The following PREP variants were observed in gnomAD, a reference collection of about 807,000 sequenced individuals.
PREP encodes the protein dJ355L5.1 (prolyl endopeptidase).
Under a neutral mutation model 87.6 loss-of-function variants are expected in PREP, and 29 were observed. That is an observed-to-expected ratio of 0.33 (90% CI 0.25 to 0.45). The LOEUF (loss-of-function observed/expected upper bound fraction) is 0.45, where lower values mean the gene tolerates loss of function less well. Ranked by LOEUF, PREP falls within the 20% of genes least tolerant of loss-of-function variation. The probability of loss-of-function intolerance (pLI) is 1.00; values close to 1 mark genes in which losing one functional copy is unlikely to be tolerated. For missense variants in PREP, 695 were observed against 886.5 expected, an observed-to-expected ratio of 0.78 and a Z score of 2.74; for synonymous variants, 337 against 328.6, an observed-to-expected ratio of 1.03 and a Z score of -0.28.
intron 10 of PREP, chr6:105,298,023 A>G (rs1770447559): frequency 6.6e-6 from 1 of 152,262 alleles, no homozygotes. Context: ...AGTTCTAAGC[A>G]TTAGTGAGCC....
chr6:105,282,516 T>C lies in PREP; in HGVS notation c.1616A>G (p.Lys539Arg). ...CCTCTTGGGAGATGTGTAACCTTCC[T>C]TGATCAGATACTCAGCAGCACACTG... The part of the protein sequence containing the change: ...DFQCAAEYLI[K>R]EGYTSPKRLT... Residue 539 changes from lysine to arginine, a missense_variant, in exon 13 of 15, where the codon AAG (lysine) becomes AGG (arginine). Transcript: ENST00000652536. The C allele has an allele frequency of 6.2e-7, 1 of 1,614,188 alleles. No homozygotes were observed. The highest frequency in any genetic ancestry group is 8.5e-7 in the Non-Finnish European group (1 of 1,180,022).
chr6:105,295,349 T>A (rs559330341), intron 10 of PREP, among the ~76,000 whole-genome samples: 1 of 152,186 alleles, frequency 6.6e-6, no homozygotes, highest in South Asian at 2.1e-4. Flanking sequence ...CCACTACTAC[T>A]GTGCTCTTTC....
chr6:105,355,386 A>G (rs1282209197), intron 6 of PREP, among the ~76,000 whole-genome samples: 1 of 152,176 alleles, frequency 6.6e-6, no homozygotes, highest in Non-Finnish European at 1.5e-5. Flanking sequence ...AGTTTTAAAT[A>G]TGGCAATCAA....
At chr6:105,285,144 A>G (rs1312204197) in intron 12 of PREP, among the ~76,000 whole-genome samples, 2 of 152,214 alleles carry the variant, frequency 1.3e-5, no homozygotes, top group Non-Finnish European at 2.9e-5. Flanking sequence ...CAAGGCTAAC[A>G]AGAGACAGAA....
chr6:105,292,235 T>C (rs1440452302), intron 10 of PREP, among the ~76,000 whole-genome samples: 1 of 152,206 alleles, frequency 6.6e-6, no homozygotes, highest in Non-Finnish European at 1.5e-5. Context: ...CCCAGATCCA[T>C]CAGAGGAACG....
chr6:105,381,224 AG>A (rs1772827662), intron 2 of PREP, among the ~76,000 whole-genome samples: 1 of 152,216 alleles, frequency 6.6e-6, no homozygotes, highest in South Asian at 2.1e-4. Flanking sequence ...AAAAGTCTCA[AG>A]TTTTTTCATA....
At chr6:105,342,290 T>G (rs928998739) in intron 7 of PREP, among the ~76,000 whole-genome samples, 2 of 152,138 alleles carry the variant, frequency 1.3e-5, no homozygotes, top group African/African-American at 4.8e-5. Flanking sequence ...AAACCACGAT[T>G]ATCCCAATAG....
chr6:105,281,498 A>G, intron 14 of PREP: 2 of 395,162 alleles, frequency 5.1e-6, no homozygotes, highest in Non-Finnish European at 9.1e-6. Context: ...GTGTTTGAAT[A>G]ACCAGGGTAG....
At chr6:105,338,058 T>TA (rs1562205589) in intron 7 of PREP, among the ~76,000 whole-genome samples, 1 of 152,172 alleles carries the variant, frequency 6.6e-6, no homozygotes, top group African/African-American at 2.4e-5. Flanking sequence ...TAGCTGGTAA[T>TA]ACAAAATTTG....
intron 2 of PREP, among the ~76,000 whole-genome samples, chr6:105,384,461 G>A (rs1772930799): frequency 6.6e-6 from 1 of 152,154 alleles, no homozygotes; most frequent in African/African-American, 2.4e-5. Context: ...ATCTGCAATT[G>A]AGCATTCTCA....
chr6:105,297,312 C>T (rs145008429), intron 10 of PREP, among the ~76,000 whole-genome samples: 27 of 152,302 alleles, frequency 1.8e-4, no homozygotes, highest in African/African-American at 3.1e-4. Context: ...CTCCTCTCAT[C>T]GGCTACAGTG....
At chr6:105,298,262 G>A (rs1437363829) in intron 10 of PREP, 2 of 152,234 alleles carry the variant, frequency 1.3e-5, no homozygotes, top group Non-Finnish European at 2.9e-5. Flanking sequence ...CACCTGCTTT[G>A]TCAAGTGACC....
At chr6:105,344,247 T>C (rs1462305454) in intron 7 of PREP, among the ~76,000 whole-genome samples, 1 of 152,090 alleles carries the variant, frequency 6.6e-6, no homozygotes, top group Non-Finnish European at 1.5e-5. Context: ...TCCCAGCACT[T>C]TGGGGAGGCC....
At chr6:105,282,226 G>GACTT (rs1770098166) in intron 13 of PREP, among the ~76,000 whole-genome samples, 1 of 152,180 alleles carries the variant, frequency 6.6e-6, no homozygotes, top group African/African-American at 2.4e-5. Context: ...GAGATTAAGG[G>GACTT]ACTTGTTCAA....
chr6:105,281,121 A>AG (rs553914610), intron 14 of PREP: 73 of 152,286 alleles, frequency 4.8e-4, no homozygotes, highest in African/African-American at 1.8e-3. Flanking sequence ...GTCAAAGTCA[A>AG]GGTGTTGGCT....
At chr6:105,320,795 G>A (rs1255313583) in intron 10 of PREP, among the ~76,000 whole-genome samples, 1 of 152,128 alleles carries the variant, frequency 6.6e-6, no homozygotes, top group African/African-American at 2.4e-5. Context: ...TAAAGTAATT[G>A]AAAATGAAAA....
intron 2 of PREP, among the ~76,000 whole-genome samples, chr6:105,388,760 C>CTG (rs1350294086): frequency 6.6e-6 from 1 of 152,188 alleles, no homozygotes; most frequent in Non-Finnish European, 1.5e-5. Flanking sequence ...CCCACGTCTA[C>CTG]TACAGCAGGG....
intron 1 of PREP, among the ~76,000 whole-genome samples, chr6:105,399,443 T>C (rs1193707070): frequency 6.6e-6 from 1 of 152,152 alleles, no homozygotes; most frequent in Admixed American, 6.5e-5. Flanking sequence ...AATGCACAAC[T>C]GGATAAATGG....
Position 105,380,814 on chromosome 6 carries a change from T to C in PREP, c.121-3295A>G, listed in dbSNP as rs1772817395. Among the ~76,000 whole-genome samples the C allele has an allele frequency of 2.6e-5, 4 of 152,158 alleles. No individual in the cohort carries two copies. The South Asian group carries it at 8.3e-4, about 32-fold the overall frequency. On this transcript the variant is annotated intron_variant, in intron 2 of 14. Coordinates refer to ENST00000652536, the MANE Select transcript of PREP (RefSeq NM_002726.5). ...CCTGAAGATGTCATTTCCCTGATCC[T>C]TCTGATTTGCATGAGGCTGCACTTA...
Sources: gnomAD v4.1 joint callset for allele counts (sites outside exome capture counted in the v4.1 genomes callset) on GRCh38, gnomAD v4.1.1 for gene constraint, MANE v1.5 for transcripts, NCBI Gene and HGNC (gene_info 2026-07-23, HGNC 2026-07-21) for gene names.